PLEKHM3: variants seen among roughly 807,000 people sequenced by gnomAD.
PLEKHM3 encodes pleckstrin homology domain containing M3.
A neutral mutation model predicts 81.8 loss-of-function variants in PLEKHM3; 45 were observed. That is an observed-to-expected ratio of 0.55 (90% CI 0.43 to 0.71). The LOEUF (loss-of-function observed/expected upper bound fraction) is 0.71, where lower values mean the gene tolerates loss of function less well. PLEKHM3 is among the 30% of genes least tolerant of loss of function. The probability of loss-of-function intolerance (pLI) is 0.00; values close to 1 mark genes in which losing one functional copy is unlikely to be tolerated. For missense variants in PLEKHM3, 788 were observed against 924.3 expected (o/e 0.85, Z 1.91); for synonymous variants, 352 against 356.4 (o/e 0.99, Z 0.14).
At chr2:207,848,784 A>G (rs1235509658) in intron 7 of PLEKHM3, among the ~76,000 whole-genome samples, 1 of 152,204 alleles carries the variant, frequency 6.6e-6, no homozygotes, top group African/African-American at 2.4e-5. Flanking sequence ...GACCAATTCA[A>G]AACGTTGAGC....
intron 6 of PLEKHM3, among the ~76,000 whole-genome samples, chr2:207,887,918 AAATTTATGGC>A (rs1214045030): frequency 6.6e-6 from 1 of 152,202 alleles, no homozygotes; most frequent in Non-Finnish European, 1.5e-5. Flanking sequence ...GTTATATTGG[AAATTTATGGC>A]AATCTCTAGA....
chr2:207,872,381 C>T (rs1038869621), intron 6 of PLEKHM3, among the ~76,000 whole-genome samples: 2 of 152,154 alleles, frequency 1.3e-5, no homozygotes, highest in African/African-American at 2.4e-5. Context: ...ACCTCTAGTC[C>T]TTATATGAAG....
At chr2:207,981,023 G>C (rs1691504352) in intron 2 of PLEKHM3, among the ~76,000 whole-genome samples, 1 of 151,398 alleles carries the variant, frequency 6.6e-6, no homozygotes. Flanking sequence ...AGCTACTCGG[G>C]AGGCTAAGGC....
chr2:207,884,844 C>T (rs900427951), intron 6 of PLEKHM3, among the ~76,000 whole-genome samples: 1 of 152,178 alleles, frequency 6.6e-6, no homozygotes, highest in African/African-American at 2.4e-5. Flanking sequence ...CCTGCCTACT[C>T]CCAAGGGAAC....
At chr2:207,900,918 A>G (rs1233615851) in intron 6 of PLEKHM3, 1 of 252,352 alleles carries the variant, frequency 4.0e-6, no homozygotes, top group African/African-American at 2.2e-5. Flanking sequence ...CAGTATTATG[A>G]TTACTCTTTT....
intron 6 of PLEKHM3, among the ~76,000 whole-genome samples, chr2:207,902,266 G>A (rs1184107370): frequency 2.6e-5 from 4 of 152,236 alleles, no homozygotes; most frequent in African/African-American, 9.6e-5. Context: ...GACTCTGTGA[G>A]AGCGTCCATA....
At chr2:207,900,950 CCAACAA>C (rs953280144) in intron 6 of PLEKHM3, 2 of 324,308 alleles carry the variant, frequency 6.2e-6, no homozygotes, top group Non-Finnish European at 1.1e-5. Context: ...CAACAAAAAC[CCAACAA>C]CAACAACAGC....
chr2:207,821,955 T>C lies in PLEKHM3; in HGVS notation c.*6364A>G, dbSNP rs1033991472. On this transcript the variant is annotated 3_prime_UTR_variant, in exon 8 of 8. Transcript: ENST00000427836. ...GATTTAAAATATATATCTTCTAGGGTAGGCTAGTAGCTATTCACAGTAAGA... is the reference window on the plus strand; with the variant it reads ...GATTTAAAATATATATCTTCTAGGGCAGGCTAGTAGCTATTCACAGTAAGA... 5 of 152,154 alleles carry C rather than the reference T, an allele frequency of 3.3e-5. No homozygotes were observed. Among genetic ancestry groups the C allele is most frequent in the Non-Finnish European group, 5.9e-5 (4 of 68,044 alleles). 9.4% of individuals were successfully genotyped at this position (152,154 alleles called of 1,614,324 possible).
At chr2:207,898,673 G>A (rs1482567625) in intron 6 of PLEKHM3, among the ~76,000 whole-genome samples, 1 of 152,130 alleles carries the variant, frequency 6.6e-6, no homozygotes, top group Non-Finnish European at 1.5e-5. Flanking sequence ...TGGGAGGATT[G>A]CTTGAGTCCA....
intron 6 of PLEKHM3, chr2:207,901,250 C>T: frequency 4.3e-6 from 3 of 702,992 alleles, no homozygotes; most frequent in Non-Finnish European, 7.8e-6. Context: ...CCGTGCCGAG[C>T]TCCCCCGATC....
chr2:207,842,520 C>T (rs1432429037), intron 7 of PLEKHM3, among the ~76,000 whole-genome samples: 1 of 152,056 alleles, frequency 6.6e-6, no homozygotes, highest in Non-Finnish European at 1.5e-5. Flanking sequence ...TTGCATGAAC[C>T]AAAGATGTAT....
intron 7 of PLEKHM3, among the ~76,000 whole-genome samples, chr2:207,847,177 A>C (rs1394104409): frequency 6.6e-6 from 1 of 152,242 alleles, no homozygotes; most frequent in Non-Finnish European, 1.5e-5. Context: ...AGCAGCTAGG[A>C]CTGTGTTTAT....
chr2:207,994,688 G>A (rs188029744), intron 2 of PLEKHM3, among the ~76,000 whole-genome samples: 1 of 152,218 alleles, frequency 6.6e-6, no homozygotes, highest in East Asian at 1.9e-4. Context: ...CTACCTTGAG[G>A]TTCTTCAGAG....
chr2:208,016,670 TACAC>T (rs370576889), intron 1 of PLEKHM3, among the ~76,000 whole-genome samples: 5 of 65,066 alleles, frequency 7.7e-5, no homozygotes, highest in African/African-American at 1.4e-4. Flanking sequence ...AAAAAAAAAA[TACAC>T]ACACACACAC....
intron 3 of PLEKHM3, among the ~76,000 whole-genome samples, chr2:207,971,066 C>G (rs1691103041): frequency 6.6e-6 from 1 of 152,228 alleles, no homozygotes; most frequent in Non-Finnish European, 1.5e-5. Context: ...CACTGCCCTA[C>G]AGTGGGCCAT....
chr2:207,949,641 A>C (rs912709984), intron 3 of PLEKHM3, among the ~76,000 whole-genome samples: 1 of 152,252 alleles, frequency 6.6e-6, no homozygotes. Flanking sequence ...TATTTCCAAA[A>C]ATTAGTAGAC....
intron 6 of PLEKHM3, among the ~76,000 whole-genome samples, chr2:207,893,306 C>T (rs1209955492): frequency 1.3e-5 from 2 of 152,218 alleles, no homozygotes; most frequent in African/African-American, 2.4e-5. Context: ...AGCCAAGGAA[C>T]ACCCTTCCTT....
At chr2:207,941,612 T>C (rs1233719080) in intron 4 of PLEKHM3, among the ~76,000 whole-genome samples, 1 of 151,714 alleles carries the variant, frequency 6.6e-6, no homozygotes, top group Non-Finnish European at 1.5e-5. Context: ...AGAGCAAAAA[T>C]AGATAGGTAG....
At chr2:207,960,728 C>A (rs537948505) in intron 3 of PLEKHM3, among the ~76,000 whole-genome samples, 1 of 152,130 alleles carries the variant, frequency 6.6e-6, no homozygotes, top group Non-Finnish European at 1.5e-5. Flanking sequence ...ACAGGAGAGT[C>A]GGGCTAAAGG....
Sources: gnomAD v4.1 joint callset for allele counts (sites outside exome capture counted in the v4.1 genomes callset) on GRCh38, gnomAD v4.1.1 for gene constraint, MANE v1.5 for transcripts, NCBI Gene and HGNC (gene_info 2026-07-23, HGNC 2026-07-21) for gene names.